FAM78B: variants seen among roughly 807,000 people sequenced by gnomAD.
The protein encoded by FAM78B is protein FAM78B.
FAM78B carries 10 observed loss-of-function variants against 20.0 expected under a neutral mutation model. The observed-to-expected ratio is 0.50, with a 90% CI of 0.31 to 0.85. The LOEUF (loss-of-function observed/expected upper bound fraction) is 0.85. Among genes scored for constraint, FAM78B ranks in the 40% least tolerant of loss-of-function variants. The pLI is 0.05. For missense variants in FAM78B, 283 were observed against 345.0 expected, an observed-to-expected ratio of 0.82 and a Z score of 1.42; for synonymous variants, 135 against 132.8, an observed-to-expected ratio of 1.02 and a Z score of -0.12.
intron 1 of FAM78B, among the ~76,000 whole-genome samples, chr1:166,109,890 G>GTATATATATA (rs1200752162): frequency 4.3e-5 from 1 of 23,184 alleles, no homozygotes. Context: ...ATGTATATAT[G>GTATATATATA]TATATATATA....
chr1:166,118,508 T>C (rs2101765930), intron 1 of FAM78B, among the ~76,000 whole-genome samples: 2 of 152,282 alleles, frequency 1.3e-5, no homozygotes, highest in South Asian at 4.1e-4. Flanking sequence ...TGTCATTTAA[T>C]CCAGCACTTG....
intron 1 of FAM78B, among the ~76,000 whole-genome samples, chr1:166,158,452 G>A (rs1656003154): frequency 6.6e-6 from 1 of 152,180 alleles, no homozygotes; most frequent in South Asian, 2.1e-4. Context: ...GAGCATCCCT[G>A]GACCTCACAA....
chr1:166,115,117 G>A (rs1214679105), intron 1 of FAM78B, among the ~76,000 whole-genome samples: 2 of 152,238 alleles, frequency 1.3e-5, no homozygotes, highest in Non-Finnish European at 2.9e-5. Flanking sequence ...TCTGACAAAA[G>A]TCTACTGAGT....
At chr1:166,109,894 A>ATATATATATGTATATATG (rs1653974188) in intron 1 of FAM78B, among the ~76,000 whole-genome samples, 2 of 57,774 alleles carry the variant, frequency 3.5e-5, no homozygotes, top group African/African-American at 1.7e-4. Context: ...ATATATGTAT[A>ATATATATATGTATATATG]TATATATATA....
rs138409705 is a variant in FAM78B, at chr1:166,133,762, T to C, written c.263+32224A>G. Among the ~76,000 whole-genome samples the C allele has an allele frequency of 8.8e-3, 1,334 of 152,350 alleles. 17 individuals carry two copies. The highest frequency in any genetic ancestry group is 0.03 in the African/African-American group (1,261 of 41,580). ...GCCTTTCTCAGGCCGTCTGCTTCAATTGCACTGGCTTCTCCTTCTCTGATG... is the reference window on the plus strand; with the variant it reads ...GCCTTTCTCAGGCCGTCTGCTTCAACTGCACTGGCTTCTCCTTCTCTGATG... On this transcript the variant is annotated intron_variant, in intron 1 of 1. Transcript: ENST00000354422.
In FAM78B at chr1:166,084,670, C is replaced by T. The variant is rs192397021; in HGVS notation, c.264-13907G>A. Among the ~76,000 whole-genome samples the T allele has an allele frequency of 1.1e-4, 17 of 152,330 alleles. 1 individual carries two copies. The South Asian group carries it at 2.1e-3, about 19-fold the overall frequency. On this transcript the variant is annotated intron_variant, in intron 1 of 1. Coordinates refer to ENST00000354422, the MANE Select transcript of FAM78B (RefSeq NM_001017961.5). The stretch of plus-strand genomic sequence containing the variant: ...AGTGGCTTCCCTGCACCTGGGTCCA[C>T]GTCTACTCTCCTATCAGGGTTCTAG...
At chr1:166,144,168 T>C (rs553444304) in intron 1 of FAM78B, among the ~76,000 whole-genome samples, 3 of 152,208 alleles carry the variant, frequency 2.0e-5, no homozygotes, top group African/African-American at 7.2e-5. Context: ...CTTCAATTAT[T>C]TAGGAGATGA....
At chr1:166,125,246 GACTC>G (rs1254191745) in intron 1 of FAM78B, among the ~76,000 whole-genome samples, 8 of 152,096 alleles carry the variant, frequency 5.3e-5, no homozygotes, top group African/African-American at 1.7e-4. Context: ...GCAGGTCTCT[GACTC>G]ACTGTCTTTC....
intron 1 of FAM78B, among the ~76,000 whole-genome samples, chr1:166,106,515 G>A (rs1366092418): frequency 6.6e-6 from 1 of 152,088 alleles, no homozygotes; most frequent in Non-Finnish European, 1.5e-5. Flanking sequence ...ATGAAATCAT[G>A]TCCATTGCAG....
At chr1:166,109,830 A>ATATG (rs1166369991) in intron 1 of FAM78B, among the ~76,000 whole-genome samples, 1 of 20,514 alleles carries the variant, frequency 4.9e-5, no homozygotes, top group Non-Finnish European at 1.0e-4. Context: ...ATATATATAT[A>ATATG]TGTATATATG....
At chr1:166,070,892 G>A (rs931062826) in intron 1 of FAM78B, 129 bp from the exon 2 acceptor site, 1 of 934,466 alleles carries the variant, frequency 1.1e-6, no homozygotes, top group Non-Finnish European at 1.5e-6. Flanking sequence ...GGGAATTCAG[G>A]GCAAAAAGTT....
At position 166,070,014 on chromosome 1, in the gene FAM78B, G is replaced by A. The variant is rs1008313745; in HGVS notation, c.*227C>T. The A allele has an allele frequency of 8.1e-7, 1 of 1,236,208 alleles. No homozygotes were observed. Among genetic ancestry groups the A allele is most frequent in the East Asian group, 3.2e-5 (1 of 31,640 alleles). The allele number at this position is 1,236,208 out of a possible 1,614,324, so 76.6% of individuals were successfully genotyped here. ...GCTACTTGCATGGTAATCACAGCAA[G>A]TCTGTCAAATCAGTGATTTCTTTAT... On this transcript the variant is annotated 3_prime_UTR_variant, in exon 2 of 2. Coordinates refer to ENST00000354422, the MANE Select transcript of FAM78B (RefSeq NM_001017961.5).
exon 3 of FAM78B, chr1:166,060,604 CCTT>C: frequency 7.8e-7 from 1 of 1,289,138 alleles, no homozygotes; most frequent in Non-Finnish European, 1.0e-6. Context: ...CTCACTTCCT[CCTT>C]CTCAGTCTCT....
chr1:166,085,228 G>A (rs758940374), intron 1 of FAM78B, among the ~76,000 whole-genome samples: 2 of 152,132 alleles, frequency 1.3e-5, no homozygotes, highest in East Asian at 1.9e-4. Flanking sequence ...GTAAAGACAC[G>A]ACTAGTTTTT....
chr1:166,075,671 C>T (rs1180709487), intron 1 of FAM78B, among the ~76,000 whole-genome samples: 1 of 152,214 alleles, frequency 6.6e-6, no homozygotes, highest in Non-Finnish European at 1.5e-5. Flanking sequence ...TTATTTATTT[C>T]TCAGTGTCCT....
intron 1 of FAM78B, among the ~76,000 whole-genome samples, chr1:166,154,365 CCCTTGGGCTGCCAAGCCCTCCCATCT>C (rs1295165562): frequency 6.6e-6 from 1 of 152,194 alleles, no homozygotes; most frequent in Non-Finnish European, 1.5e-5. Flanking sequence ...CTTTCCCCTT[CCCTTGGGCTGCCAAGCCCTCCCATCT>C]CCTGCCATCT....
At chr1:166,068,008 C>T (rs1008092024), downstream of FAM78B, among the ~76,000 whole-genome samples, 3 of 152,200 alleles carry the variant, frequency 2.0e-5, no homozygotes, top group Non-Finnish European at 4.4e-5. Flanking sequence ...TAAGTCATAT[C>T]TTATTTTAAT....
chr1:166,108,182 T>A (rs1431410466), intron 1 of FAM78B, among the ~76,000 whole-genome samples: 2 of 152,080 alleles, frequency 1.3e-5, no homozygotes, highest in Non-Finnish European at 2.9e-5. Context: ...GGCATCGAAA[T>A]CGGTAAAGAG....
chr1:166,101,828 G>A (rs1477128644), intron 1 of FAM78B, among the ~76,000 whole-genome samples: 2 of 152,030 alleles, frequency 1.3e-5, no homozygotes, highest in Non-Finnish European at 1.5e-5. Context: ...AGTAAGGCAG[G>A]CCAACATTCA....
Sources: allele counts gnomAD v4.1 joint callset (sites outside exome capture counted in the v4.1 genomes callset), GRCh38; gene constraint gnomAD v4.1.1; transcripts MANE v1.5; gene names NCBI Gene and HGNC (gene_info 2026-07-23, HGNC 2026-07-21).